The following ILF2 variants were observed in gnomAD, a reference collection of about 807,000 sequenced individuals.
ILF2 encodes interleukin enhancer binding factor 2, also known as interleukin enhancer-binding factor 2.
A neutral mutation model predicts 55.3 loss-of-function variants in ILF2; 9 were observed. The ratio of observed to expected loss-of-function variants is 0.16; its 90% CI spans 0.10 to 0.28. ILF2 has a LOEUF of 0.28. Ranked by LOEUF, ILF2 falls within the 10% of genes least tolerant of loss-of-function variation. The probability of loss-of-function intolerance (pLI) is 1.00; values close to 1 mark genes in which losing one functional copy is unlikely to be tolerated. For missense variants in ILF2, 266 were observed against 474.9 expected (o/e 0.56, Z 4.09); for synonymous variants, 151 against 161.8 (o/e 0.93, Z 0.50).
In ILF2 at chr1:153,667,672, AT is replaced by A. The variant is rs1303856207; in HGVS notation, c.292-16del. On this transcript the variant is annotated splice_polypyrimidine_tract_variant and intron_variant, in intron 5 of 13. Coordinates refer to ENST00000361891, the MANE Select transcript of ILF2 (RefSeq NM_004515.4). ...TCTTCAATTTGCTGTTGGAAAAAGG[AT>A]TTCGGGGAAAAACAATTTAGAAGAA... The A allele has an allele frequency of 1.9e-6, 3 of 1,561,204 alleles. No homozygotes were observed. The highest frequency in any genetic ancestry group is 2.6e-6 in the Non-Finnish European group (3 of 1,140,456).
chr1:153,662,414 G>A lies in ILF2; in HGVS notation c.1155C>T (p.Ser385=), dbSNP rs886621823. The A allele has an allele frequency of 2.5e-6, 4 of 1,613,864 alleles. No homozygotes were observed. In the African/African-American group the frequency reaches 5.3e-5, roughly 22 times the overall value. ...GGGAATGTCACTCCTGAGTTTCCAT[G>A]CTTTCTTCTTCCTCTCCTTGAGGTG... is the stretch of plus-strand genomic sequence containing the variant. The part of the protein sequence containing the change: ...EEPPQGEEEE[S]METQE Residue 385 remains serine (S), a synonymous_variant, in exon 14 of 14, where the codon AGC becomes AGT. Transcript: ENST00000361891.
In ILF2 at chr1:153,662,363, C is replaced by G. The variant is rs769467844; in HGVS notation, c.*33G>C. ...AGCAGGCAGCTTAGGCTCCAGTCTT[C>G]CCCCTTGGGTAGGAAAAGGAGTGAA... is the stretch of plus-strand genomic sequence containing the variant. On this transcript the variant is annotated 3_prime_UTR_variant, in exon 14 of 14. Coordinates refer to ENST00000361891, the MANE Select transcript of ILF2 (RefSeq NM_004515.4). 1 of 1,612,896 alleles carries G rather than the reference C, an allele frequency of 6.2e-7. No homozygotes were observed. The highest frequency in any genetic ancestry group is 8.5e-7 in the Non-Finnish European group (1 of 1,179,542).
chr1:153,670,058 A>C, intron 2 of ILF2, 113 bp downstream of exon 2: 1 of 1,189,644 alleles, frequency 8.4e-7, no homozygotes, highest in Non-Finnish European at 1.2e-6. Context: ...GCAGGAAAAG[A>C]CCACAGTTGG....
chr1:153,667,323 C>G, intron 6 of ILF2: 2 of 553,210 alleles, frequency 3.6e-6, no homozygotes, highest in Non-Finnish European at 6.4e-6. Context: ...ACAAAAAATA[C>G]AAAAATTAGC....
Position 153,663,983 on chromosome 1 carries a change from CTA to C in ILF2, c.744+58_744+59del, listed in dbSNP as rs1557951586. 33 of 852,768 alleles carry C rather than the reference CTA, an allele frequency of 3.9e-5. 1 individual carries two copies. Among genetic ancestry groups the C allele is most frequent in the Admixed American group, 1.5e-4 (7 of 47,592 alleles). The allele number at this position is 852,768 out of a possible 1,614,324, so 52.8% of individuals were successfully genotyped here. ...ACTACTACTACTACTACTACTACTA[CTA>C]CTACTACTACTAGTAAATAAGGATG... is the stretch of plus-strand genomic sequence containing the variant. On this transcript the variant is annotated intron_variant, in intron 10 of 13. Transcript: ENST00000361891.
rs1296203137 is a variant in ILF2 at position 153,662,129 on chromosome 1, G to A, written c.*267C>T. On this transcript the variant is annotated 3_prime_UTR_variant, in exon 14 of 14. Transcript: ENST00000361891. The stretch of plus-strand genomic sequence containing the variant: ...ATTTCAACAGCAAAGTATTAGTTGA[G>A]AGAGGGGTTTTCAGGAGTTGGAGAT... 1 of 365,660 alleles carries A rather than the reference G, an allele frequency of 2.7e-6. No homozygotes were observed. Among genetic ancestry groups the A allele is most frequent in the African/African-American group, 2.0e-5 (1 of 48,806 alleles). The allele number at this position is 365,660 out of a possible 1,614,324, so 22.7% of individuals were successfully genotyped here. A position where few individuals can be genotyped will look rare whatever the true frequency, so the allele number is the denominator to read the frequency against.
At chr1:153,662,649 C>T in intron 13 of ILF2, 56 bp downstream of exon 13, 1 of 1,578,484 alleles carries the variant, frequency 6.3e-7, no homozygotes, top group Non-Finnish European at 8.7e-7. Context: ...AAGTAGTGTA[C>T]AGCTTCTCTG....
Position 153,662,327 on chromosome 1 carries a change from T to C in ILF2, c.*69A>G. ...TCCCACGGAAATGTCTGTCACCATG[T>C]AAAGCCCAGTAGCAGGCAGCTTAGG... On this transcript the variant is annotated 3_prime_UTR_variant, in exon 14 of 14. Transcript: ENST00000361891. 1 of 1,595,570 alleles carries C rather than the reference T, an allele frequency of 6.3e-7. No homozygotes were observed. The highest frequency in any genetic ancestry group is 8.5e-7 in the Non-Finnish European group (1 of 1,171,192).
chr1:153,664,956 C>G (rs1273449623), intron 8 of ILF2, among the ~76,000 whole-genome samples: 1 of 152,228 alleles, frequency 6.6e-6, no homozygotes. Flanking sequence ...CTTCAAAAGC[C>G]TATCCCCCTC....
At chr1:153,667,751 C>G (rs911693139) in intron 5 of ILF2, 94 bp from the exon 6 acceptor site, 18 of 863,194 alleles carry the variant, frequency 2.1e-5, no homozygotes, top group Admixed American at 1.6e-4. Context: ...ACCTGTTACC[C>G]AAATTAAGAA....
rs200116789 is a variant in ILF2 at position 153,662,302 on chromosome 1, T to C, written c.*94A>G. 2.9e-5 allele frequency: 44 copies of C among 1,497,950 alleles called. No homozygotes were observed. The highest frequency in any genetic ancestry group is 3.8e-5 in the Non-Finnish European group (42 of 1,098,466). 92.8% of individuals were successfully genotyped at this position (1,497,950 alleles called of 1,614,324 possible). A position where few individuals can be genotyped will look rare whatever the true frequency, so the allele number is the denominator to read the frequency against. ...ACTTTTCTTCCTGCTATCTTCCCTA[T>C]CCCACGGAAATGTCTGTCACCATGT... is the stretch of plus-strand genomic sequence containing the variant. On this transcript the variant is annotated 3_prime_UTR_variant, in exon 14 of 14. Transcript: ENST00000361891.
intron 2 of ILF2, 54 bp from the exon 3 acceptor site, chr1:153,669,932 T>G (rs951215763): frequency 1.4e-6 from 2 of 1,423,202 alleles, no homozygotes; most frequent in African/African-American, 3.2e-5. Context: ...AAGCGAGATG[T>G]AAATAACACG....
intron 6 of ILF2, among the ~76,000 whole-genome samples, chr1:153,666,010 G>A (rs1410498237): frequency 6.6e-6 from 1 of 152,082 alleles, no homozygotes; most frequent in African/African-American, 2.4e-5. Context: ...TCTTTGGGGT[G>A]ATGGGGATGT....
Position 153,667,598 on chromosome 1 carries a change from G to A in ILF2, c.351C>T (p.His117=), listed in dbSNP as rs763024742. 8.7e-6 allele frequency: 14 copies of A among 1,613,772 alleles called. No individual in the cohort carries two copies. Among genetic ancestry groups the A allele is most frequent in the Non-Finnish European group, 1.1e-5 (13 of 1,179,770 alleles). Reference sequence around the variant, plus strand: ...GTATCACCACCAGGTCAGCCACATTGTGTCCTGTAGTCATTGTCCCCTTTT... The same window carrying A: ...GTATCACCACCAGGTCAGCCACATTATGTCCTGTAGTCATTGTCCCCTTTT... The part of the protein sequence containing the change: ...SYKKGTMTTG[H]NVADLVVILK... The change falls in exon 6 of 14, where the codon CAC becomes CAT. Residue 117 remains histidine (H), a synonymous_variant. Transcript: ENST00000361891.
At chr1:153,670,271 C>T (rs1261940756) in intron 1 of ILF2, 41 bp from the exon 2 acceptor site, 6 of 1,598,444 alleles carry the variant, frequency 3.8e-6, no homozygotes, top group Non-Finnish European at 5.1e-6. Context: ...TGAAGGAATA[C>T]CCACCGGCCA....
intron 6 of ILF2, among the ~76,000 whole-genome samples, chr1:153,666,345 G>C (rs1669305862): frequency 6.6e-6 from 1 of 151,970 alleles, no homozygotes; most frequent in South Asian, 2.1e-4. Flanking sequence ...CACCACGCCT[G>C]GCTAATTTTT....
In ILF2 at chr1:153,664,478, A is replaced by G. The variant is rs1351043029; in HGVS notation, c.578-4T>C. The stretch of plus-strand genomic sequence containing the variant: ...CTCTGCAATACTTTGATATCCACTA[A>G]AAAGACAAGCATGATATGCCAGGAT... On this transcript the variant is annotated splice_region_variant and splice_polypyrimidine_tract_variant and intron_variant, in intron 8 of 13. Coordinates refer to ENST00000361891, the MANE Select transcript of ILF2 (RefSeq NM_004515.4). The G allele has an allele frequency of 6.2e-7, 1 of 1,609,624 alleles. No individual in the cohort carries two copies. The highest frequency in any genetic ancestry group is 1.1e-5 in the South Asian group (1 of 91,002).
Position 153,665,318 on chromosome 1 carries a change from T to C in ILF2, c.479A>G (p.Asn160Ser), listed in dbSNP as rs1669278879. ...AGAACTGATTTCAAAGCCAGTTTCG[T>C]TGGTCAGCATGGTTAAAACTGAAAA... Reference protein sequence around the residue: ...DPSEVLTMLTNETGFEISSSD... With the variant: ...DPSEVLTMLTSETGFEISSSD... The change falls in exon 8 of 14, where the codon AAC (asparagine) becomes AGC (serine). Residue 160 changes from asparagine to serine, a missense_variant. Asn to Ser is a conservative substitution (Grantham distance 46). Coordinates refer to ENST00000361891, the MANE Select transcript of ILF2 (RefSeq NM_004515.4). 1 of 1,610,926 alleles carries C rather than the reference T, an allele frequency of 6.2e-7. No individual in the cohort carries two copies. Among genetic ancestry groups the C allele is most frequent in the Non-Finnish European group, 8.5e-7 (1 of 1,177,108 alleles).
intron 10 of ILF2, among the ~76,000 whole-genome samples, 199 bp from the exon 11 acceptor site, chr1:153,663,475 C>CA (rs1669227306): frequency 6.6e-6 from 1 of 151,934 alleles, no homozygotes; most frequent in African/African-American, 2.4e-5. Flanking sequence ...ACTATAAGTT[C>CA]AAGCCACTAC....
Sources: allele counts gnomAD v4.1 joint callset (sites outside exome capture counted in the v4.1 genomes callset), GRCh38; gene constraint gnomAD v4.1.1; transcripts MANE v1.5; gene names NCBI Gene and HGNC (gene_info 2026-07-23, HGNC 2026-07-21).